The following CDK14 variants were observed in gnomAD, a reference collection of about 807,000 sequenced individuals.
CDK14 encodes the protein cyclin-dependent kinase 14.
In CDK14, 34 loss-of-function variants were observed where a neutral mutation model predicts 60.7. The ratio of observed to expected loss-of-function variants is 0.56; its 90% CI spans 0.43 to 0.75. CDK14 has a LOEUF of 0.75. Among genes scored for constraint, CDK14 ranks in the 30% least tolerant of loss-of-function variants. The pLI is 0.00. For synonymous variants in CDK14, 197 were observed against 203.7 expected (o/e 0.97, Z 0.28); for missense variants, 482 against 564.1 (o/e 0.85, Z 1.47).
intron 4 of CDK14, among the ~76,000 whole-genome samples, chr7:90,773,907 T>TC (rs1334383607): frequency 3.2e-5 from 4 of 125,842 alleles, no homozygotes; most frequent in Non-Finnish European, 6.5e-5. Context: ...TTCTTTCTTT[T>TC]TTTTTTTTTT....
intron 9 of CDK14, among the ~76,000 whole-genome samples, chr7:90,982,171 G>A (rs2115626703): frequency 6.6e-6 from 1 of 152,296 alleles, no homozygotes; most frequent in Middle Eastern, 3.4e-3. Flanking sequence ...GTCGAGCATG[G>A]TAGATGGCTC....
chr7:91,033,478 A>G (rs551497068), intron 10 of CDK14, among the ~76,000 whole-genome samples: 33 of 152,348 alleles, frequency 2.2e-4, no homozygotes, highest in African/African-American at 7.7e-4. Context: ...TTAAAGCAGT[A>G]CTTCTCAAAC....
chr7:90,908,743 A>T (rs1319408784), intron 7 of CDK14, among the ~76,000 whole-genome samples: 1 of 152,206 alleles, frequency 6.6e-6, no homozygotes, highest in Admixed American at 6.5e-5. Context: ...TCGTTCCTGT[A>T]TAAATTTCTG....
chr7:90,777,204 G>A lies in CDK14; in HGVS notation c.465-13369G>A, dbSNP rs534276064. Among the ~76,000 whole-genome samples, 11 of 152,280 alleles carry A rather than the reference G, an allele frequency of 7.2e-5. No individual in the cohort carries two copies. In the South Asian group the frequency reaches 2.1e-3, roughly 29 times the overall value. The stretch of plus-strand genomic sequence containing the variant: ...GCAGTTGGATGATGTGCTGTTGCTG[G>A]TGGTGGATCTAAAACAGGCTGTTCA... On this transcript the variant is annotated intron_variant, in intron 4 of 14. Transcript: ENST00000380050.
At chr7:90,775,538 C>T (rs1804988261) in intron 4 of CDK14, among the ~76,000 whole-genome samples, 1 of 151,788 alleles carries the variant, frequency 6.6e-6, no homozygotes, top group Non-Finnish European at 1.5e-5. Flanking sequence ...ATGTGAAATA[C>T]AGGTTTTTCA....
chr7:90,907,684 C>T (rs17476549), intron 7 of CDK14, among the ~76,000 whole-genome samples: 6 of 151,826 alleles, frequency 4.0e-5, no homozygotes, highest in Non-Finnish European at 5.9e-5. Flanking sequence ...CTGAAGTATC[C>T]GCAATCCTAT....
intron 14 of CDK14, among the ~76,000 whole-genome samples, chr7:91,201,679 CATGT>C (rs1488564304): frequency 6.6e-6 from 1 of 152,108 alleles, no homozygotes; most frequent in Admixed American, 6.5e-5. Flanking sequence ...AAACTGCATG[CATGT>C]GTGTAGTGGT....
intron 10 of CDK14, among the ~76,000 whole-genome samples, chr7:91,022,031 C>G (rs1024897927): frequency 5.3e-5 from 8 of 152,160 alleles, no homozygotes; most frequent in Non-Finnish European, 8.8e-5. Context: ...AGTCATCTCT[C>G]CAAGATGGCT....
chr7:90,929,353 T>C (rs1329033935), intron 8 of CDK14, among the ~76,000 whole-genome samples: 1 of 152,240 alleles, frequency 6.6e-6, no homozygotes, highest in Non-Finnish European at 1.5e-5. Flanking sequence ...CTCTGGAACC[T>C]GTTTTAAATG....
intron 3 of CDK14, among the ~76,000 whole-genome samples, chr7:90,731,018 G>A (rs1802840935): frequency 6.6e-6 from 1 of 152,086 alleles, no homozygotes; most frequent in Non-Finnish European, 1.5e-5. Flanking sequence ...CCCATCTTGA[G>A]TTAATTTTGT....
chr7:90,953,401 A>T (rs985803952), intron 8 of CDK14, among the ~76,000 whole-genome samples: 1 of 152,176 alleles, frequency 6.6e-6, no homozygotes, highest in Non-Finnish European at 1.5e-5. Context: ...ATAAAATTGG[A>T]GTAGTCTTTG....
intron 11 of CDK14, among the ~76,000 whole-genome samples, chr7:91,049,912 A>G (rs1797343940): frequency 6.6e-6 from 1 of 152,180 alleles, no homozygotes; most frequent in Non-Finnish European, 1.5e-5. Flanking sequence ...AGAGCAAGAA[A>G]CTGGTTCAGG....
chr7:90,905,091 A>G (rs1358737822), intron 7 of CDK14, among the ~76,000 whole-genome samples: 1 of 152,192 alleles, frequency 6.6e-6, no homozygotes, highest in African/African-American at 2.4e-5. Flanking sequence ...ACCAAGGAAG[A>G]GAAGACAAAG....
chr7:90,688,728 C>G (rs1255548385), intron 2 of CDK14, among the ~76,000 whole-genome samples: 2 of 152,128 alleles, frequency 1.3e-5, no homozygotes, highest in Non-Finnish European at 2.9e-5. Flanking sequence ...TGTCCCAAAA[C>G]AGGATTTCTG....
At chr7:90,791,104 A>T (rs1805811958) in intron 5 of CDK14, among the ~76,000 whole-genome samples, 2 of 152,208 alleles carry the variant, frequency 1.3e-5, no homozygotes, top group South Asian at 4.2e-4. Context: ...TTCTGATTGG[A>T]AGAAGATAAC....
chr7:90,741,036 T>C (rs1458332535), intron 3 of CDK14, among the ~76,000 whole-genome samples: 5 of 152,192 alleles, frequency 3.3e-5, no homozygotes, highest in African/African-American at 1.2e-4. Flanking sequence ...CTATATTTCA[T>C]TATAAAATTA....
chr7:91,049,909 G>T (rs557932334), intron 11 of CDK14, among the ~76,000 whole-genome samples: 5 of 152,174 alleles, frequency 3.3e-5, no homozygotes, highest in Non-Finnish European at 7.4e-5. Context: ...AATAGAGCAA[G>T]AAACTGGTTC....
intron 8 of CDK14, among the ~76,000 whole-genome samples, chr7:90,930,118 G>GT (rs1002859964): frequency 7.8e-4 from 115 of 147,632 alleles, no homozygotes; most frequent in Non-Finnish European, 1.0e-3. Flanking sequence ...TTTTGGTAGT[G>GT]TTTTTTTTTT....
chr7:90,782,382 T>C (rs12704576), intron 4 of CDK14, among the ~76,000 whole-genome samples: 31,156 of 152,056 alleles, frequency 0.2, 3,330 homozygotes, highest in South Asian at 0.24. Context: ...TTTGACTTCC[T>C]CTTTTCCTAA....
Sources: gnomAD v4.1 joint callset for allele counts (sites outside exome capture counted in the v4.1 genomes callset) on GRCh38, gnomAD v4.1.1 for gene constraint, MANE v1.5 for transcripts, NCBI Gene and HGNC (gene_info 2026-07-23, HGNC 2026-07-21) for gene names.